NDUFAF6: variants seen among roughly 807,000 people sequenced by gnomAD.
NDUFAF6 encodes the protein NADH:ubiquinone oxidoreductase complex assembly factor 6, also known as NADH dehydrogenase (ubiquinone) complex I, assembly factor 6.
In NDUFAF6, 45 loss-of-function variants were observed where a neutral mutation model predicts 40.8. That is an observed-to-expected ratio of 1.10 (90% confidence interval 0.87 to 1.42). The LOEUF is 1.42. Ranked by LOEUF, NDUFAF6 falls within the 40% of genes most tolerant of loss-of-function variation. NDUFAF6 has a pLI of 0.00. For missense variants in NDUFAF6, 435 were observed against 418.5 expected, an observed-to-expected ratio of 1.04 and a Z score of -0.34; for synonymous variants, 185 against 155.9, an observed-to-expected ratio of 1.19 and a Z score of -1.39.
chr8:94,978,955 G>T lies in NDUFAF6; in HGVS notation c.-198-1904G>T, dbSNP rs867928003. 3.3e-5 allele frequency among the ~76,000 whole-genome samples: 5 copies of T among 152,226 alleles called. No homozygotes were observed. In the South Asian group the frequency reaches 1.0e-3, roughly 32 times the overall value. On this transcript the variant is annotated intron_variant, in intron 1 of 9. Coordinates refer to the NDUFAF6 transcript ENST00000396111. Reference sequence around the variant, plus strand: ...GTAGTTAGTGTCATAATTAAATTGTGGTACACCTAGTTGGTGTCCAAAGAG... The same window carrying T: ...GTAGTTAGTGTCATAATTAAATTGTTGTACACCTAGTTGGTGTCCAAAGAG...
At chr8:94,907,922 T>C (rs1259212476) in intron 1 of NDUFAF6, among the ~76,000 whole-genome samples, 1 of 152,236 alleles carries the variant, frequency 6.6e-6, no homozygotes, top group Non-Finnish European at 1.5e-5. Flanking sequence ...GTCTGCTTTG[T>C]TCATTGCTGA....
At chr8:95,050,530 C>T (rs1450550846) in intron 7 of NDUFAF6, among the ~76,000 whole-genome samples, 1 of 152,170 alleles carries the variant, frequency 6.6e-6, no homozygotes, top group Non-Finnish European at 1.5e-5. Flanking sequence ...AGTAGTGGAT[C>T]ATTTTAGCAC....
At chr8:94,992,332 T>G (rs1171628949) in intron 2 of NDUFAF6, among the ~76,000 whole-genome samples, 1 of 151,700 alleles carries the variant, frequency 6.6e-6, no homozygotes, top group Non-Finnish European at 1.5e-5. Flanking sequence ...ACTAAAAATA[T>G]AAAAATCAGC....
intron 2 of NDUFAF6, among the ~76,000 whole-genome samples, chr8:94,999,423 C>T (rs1273279260): frequency 6.7e-6 from 1 of 149,120 alleles, no homozygotes; most frequent in African/African-American, 2.5e-5. Flanking sequence ...CACCCAGCCT[C>T]TTTTTTTCTT....
chr8:95,062,919 T>G (rs759010287), downstream of NDUFAF6, among the ~76,000 whole-genome samples: 13 of 152,184 alleles, frequency 8.5e-5, no homozygotes, highest in Non-Finnish European at 1.8e-4. Flanking sequence ...CTGTCTGATG[T>G]GTGAAGTACA....
At chr8:94,933,270 T>C (rs770855281) in intron 1 of NDUFAF6, among the ~76,000 whole-genome samples, 1 of 152,206 alleles carries the variant, frequency 6.6e-6, no homozygotes, top group Admixed American at 6.5e-5. Context: ...TGGAAAAGTA[T>C]GTATTTGTTT....
In NDUFAF6 at chr8:94,994,987, A is replaced by G. The variant is rs1445252641; in HGVS notation, c.-84+14014A>G. The stretch of plus-strand genomic sequence containing the variant: ...TGATCTAACAATTCCACTTCTGGGT[A>G]TATATCCAAAGGGATTCAAAGCAGG... On this transcript the variant is annotated intron_variant, in intron 2 of 9. Coordinates refer to the NDUFAF6 transcript ENST00000396111. Among the ~76,000 whole-genome samples the G allele has an allele frequency of 2.0e-5, 3 of 152,376 alleles. No individual in the cohort carries two copies. The East Asian group carries it at 5.8e-4, about 29-fold the overall frequency.
chr8:95,019,689 G>A (rs1198220902), intron 2 of NDUFAF6, among the ~76,000 whole-genome samples: 1 of 152,178 alleles, frequency 6.6e-6, no homozygotes, highest in African/African-American at 2.4e-5. Flanking sequence ...TGACCACTTT[G>A]CCTCTTCTTG....
intron 9 of NDUFAF6, among the ~76,000 whole-genome samples, chr8:95,064,562 T>TGTGC (rs1554686677): frequency 7.7e-6 from 1 of 129,296 alleles, no homozygotes; most frequent in African/African-American, 2.8e-5. Context: ...TGTGTGTGTG[T>TGTGC]GCGCGCGTGC....
chr8:94,986,086 G>A (rs1274435809), intron 2 of NDUFAF6, among the ~76,000 whole-genome samples: 1 of 151,694 alleles, frequency 6.6e-6, no homozygotes, highest in African/African-American at 2.4e-5. Context: ...TGTTAACCAG[G>A]ATGGTCTCGA....
At chr8:95,011,173 A>G (rs1827213825) in intron 2 of NDUFAF6, among the ~76,000 whole-genome samples, 1 of 152,202 alleles carries the variant, frequency 6.6e-6, no homozygotes. Context: ...TCAGAGAAGC[A>G]CCAGGGCCTT....
chr8:95,012,156 T>C (rs1827250845), intron 2 of NDUFAF6, among the ~76,000 whole-genome samples: 1 of 152,244 alleles, frequency 6.6e-6, no homozygotes, highest in Non-Finnish European at 1.5e-5. Flanking sequence ...ATTTTGTTTT[T>C]ATTTTAATTT....
At chr8:95,079,645 C>A (rs563960928), downstream of NDUFAF6, among the ~76,000 whole-genome samples, 14 of 151,334 alleles carry the variant, frequency 9.3e-5, no homozygotes, top group South Asian at 2.9e-3. Flanking sequence ...ACTATAGGAC[C>A]AAACTCTTAA....
intron 9 of NDUFAF6, among the ~76,000 whole-genome samples, chr8:95,066,536 A>C (rs1272125117): frequency 6.6e-6 from 1 of 152,164 alleles, no homozygotes; most frequent in East Asian, 1.9e-4. Context: ...TCATAAATCT[A>C]GGTTTTTTAA....
At chr8:95,029,305 G>A (rs956562264) in intron 1 of NDUFAF6, among the ~76,000 whole-genome samples, 25 of 152,086 alleles carry the variant, frequency 1.6e-4, no homozygotes, top group African/African-American at 6.0e-4. Flanking sequence ...TCAAGTAATT[G>A]TAAATTTACA....
chr8:94,934,020 T>G (rs1820719045), intron 1 of NDUFAF6, among the ~76,000 whole-genome samples: 1 of 151,076 alleles, frequency 6.6e-6, no homozygotes, highest in Admixed American at 6.6e-5. Context: ...GAGGTTGCAG[T>G]GAGCCAAGAT....
At chr8:94,956,940 G>A (rs1033137507), upstream of NDUFAF6, among the ~76,000 whole-genome samples, 2 of 152,188 alleles carry the variant, frequency 1.3e-5, no homozygotes, top group Non-Finnish European at 2.9e-5. Context: ...TTAGGCTGAG[G>A]TGGGCGGATC....
intron 1 of NDUFAF6, among the ~76,000 whole-genome samples, chr8:94,943,064 G>A (rs4735334): frequency 0.65 from 98,551 of 152,076 alleles, 32,688 homozygotes; most frequent in East Asian, 0.79. Context: ...AAATTGGGGG[G>A]ATATGCAAAA....
chr8:94,933,557 G>A (rs1334342186), intron 1 of NDUFAF6, among the ~76,000 whole-genome samples: 2 of 152,122 alleles, frequency 1.3e-5, no homozygotes, highest in Admixed American at 6.5e-5. Context: ...CTGAAGTCAG[G>A]AGTTTGAGAC....
Sources: gnomAD v4.1 joint callset for allele counts (sites outside exome capture counted in the v4.1 genomes callset) on GRCh38, gnomAD v4.1.1 for gene constraint, MANE v1.5 for transcripts, NCBI Gene and HGNC (gene_info 2026-07-23, HGNC 2026-07-21) for gene names.